Variants in ITGA2 observed in about 807,000 individuals in gnomAD.
ITGA2 encodes the protein integrin subunit alpha 2.
Under a neutral mutation model 146.3 loss-of-function variants are expected in ITGA2, and 101 were observed. The observed-to-expected ratio is 0.69, with a 90% CI of 0.59 to 0.81. ITGA2 has a LOEUF of 0.81. Ranked by LOEUF, ITGA2 falls within the 40% of genes least tolerant of loss-of-function variation. The pLI is 0.00. For synonymous variants in ITGA2, 477 were observed against 487.1 expected, an observed-to-expected ratio of 0.98 and a Z score of 0.27; for missense variants, 1,281 against 1,402.7, an observed-to-expected ratio of 0.91 and a Z score of 1.39.
At chr5:53,081,071 G>A (rs1561152766) in intron 25 of ITGA2, among the ~76,000 whole-genome samples, 1 of 152,054 alleles carries the variant, frequency 6.6e-6, no homozygotes. Context: ...CCTAACCCAG[G>A]CAATTAAATC....
chr5:53,063,691 C>T (rs1432734516), intron 13 of ITGA2, among the ~76,000 whole-genome samples: 1 of 151,638 alleles, frequency 6.6e-6, no homozygotes, highest in African/African-American at 2.4e-5. Context: ...TTTTGTACCA[C>T]CTGATTTATT....
chr5:53,052,959 G>A (rs148565057), intron 7 of ITGA2, among the ~76,000 whole-genome samples: 3 of 152,200 alleles, frequency 2.0e-5, no homozygotes, highest in African/African-American at 7.2e-5. Flanking sequence ...AGCTGATGAT[G>A]AATATTTTTA....
intron 1 of ITGA2, among the ~76,000 whole-genome samples, chr5:53,009,054 A>G (rs1741993475): frequency 1.3e-5 from 2 of 152,118 alleles, no homozygotes; most frequent in East Asian, 1.9e-4. Flanking sequence ...GCAAGACAGG[A>G]AAGAAACAAT....
rs201704370 is a variant in ITGA2, at chr5:53,006,862, T to TA, written c.64+17339dup. Among the ~76,000 whole-genome samples the TA allele has an allele frequency of 2.9e-3, 445 of 151,558 alleles. 2 individuals are homozygous for TA. The highest frequency in any genetic ancestry group is 8.7e-3 in the South Asian group (42 of 4,802). ...ACAACATATTTCAACAACAAAAACA[T>TA]AAAAAAAAATTCATTAATCAACTTC... On this transcript the variant is annotated intron_variant, in intron 1 of 29. Coordinates refer to ENST00000296585, the MANE Select transcript of ITGA2 (RefSeq NM_002203.4).
At chr5:52,999,729 A>T (rs148079334) in intron 1 of ITGA2, among the ~76,000 whole-genome samples, 75 of 152,334 alleles carry the variant, frequency 4.9e-4, no homozygotes, top group African/African-American at 1.6e-3. Flanking sequence ...AAAGATGCTC[A>T]CTGCAAAGAC....
intron 4 of ITGA2, among the ~76,000 whole-genome samples, 172 bp downstream of exon 4, chr5:53,045,264 T>C (rs1004141784): frequency 6.6e-6 from 1 of 152,200 alleles, no homozygotes; most frequent in Non-Finnish European, 1.5e-5. Flanking sequence ...TGTTGATGTG[T>C]AGACTTTTTA....
intron 17 of ITGA2, among the ~76,000 whole-genome samples, chr5:53,070,901 G>C (rs1014445387): frequency 6.6e-6 from 1 of 151,836 alleles, no homozygotes; most frequent in Non-Finnish European, 1.5e-5. Context: ...TTTTTTAAAA[G>C]GATATTTAAG....
At chr5:52,996,150 A>G (rs914901341) in intron 1 of ITGA2, among the ~76,000 whole-genome samples, 1 of 152,204 alleles carries the variant, frequency 6.6e-6, no homozygotes, top group African/African-American at 2.4e-5. Context: ...GAGTAGCAAG[A>G]GAGGTAAAAT....
intron 2 of ITGA2, among the ~76,000 whole-genome samples, chr5:53,028,027 C>G (rs1251964306): frequency 6.6e-6 from 1 of 151,962 alleles, no homozygotes; most frequent in African/African-American, 2.4e-5. Flanking sequence ...GCTGCAGTGA[C>G]CTATGTTGGC....
chr5:53,022,843 A>G (rs1296296539), intron 1 of ITGA2, among the ~76,000 whole-genome samples: 1 of 152,204 alleles, frequency 6.6e-6, no homozygotes, highest in Admixed American at 6.5e-5. Context: ...TAAGAAATCT[A>G]CATGAGTTAA....
In ITGA2 at chr5:53,060,440, T is replaced by C. The variant is rs180870003; in HGVS notation, c.1312+428T>C. Among the ~76,000 whole-genome samples, 11 of 152,068 alleles carry C rather than the reference T, an allele frequency of 7.2e-5. No individual in the cohort carries two copies. The East Asian group carries it at 2.1e-3, about 30-fold the overall frequency. ...TAAACATTTAAATCTTTCCAACAAG[T>C]CTTTCAGGGATGTTTTGCCTTTGAG... is the stretch of plus-strand genomic sequence containing the variant. On this transcript the variant is annotated intron_variant, in intron 11 of 29. Transcript: ENST00000296585.
chr5:53,048,542 T>C (rs112349018), intron 5 of ITGA2, 65 bp downstream of exon 5: 11 of 1,606,776 alleles, frequency 6.8e-6, no homozygotes, highest in Non-Finnish European at 9.4e-6. Context: ...GAAAAGGTTA[T>C]CAACTAGTGG....
chr5:53,012,253 A>T (rs1354531190), intron 1 of ITGA2, among the ~76,000 whole-genome samples: 2 of 152,158 alleles, frequency 1.3e-5, no homozygotes, highest in African/African-American at 2.4e-5. Flanking sequence ...ATTTGGATTT[A>T]TTTGGATAAA....
At chr5:53,072,398 T>C (rs530528377) in intron 18 of ITGA2, among the ~76,000 whole-genome samples, 1 of 149,834 alleles carries the variant, frequency 6.7e-6, no homozygotes, top group East Asian at 2.0e-4. Context: ...GTCCCCGCCA[T>C]AGACACTTTC....
intron 27 of ITGA2, 113 bp from the exon 28 acceptor site, chr5:53,086,839 C>T (rs1216020549): frequency 1.2e-6 from 1 of 859,188 alleles, no homozygotes; most frequent in Non-Finnish European, 1.9e-6. Flanking sequence ...TCTTCAGAAC[C>T]ATTTGCTCTT....
chr5:53,033,975 G>A (rs895799870), intron 2 of ITGA2, among the ~76,000 whole-genome samples: 1 of 151,994 alleles, frequency 6.6e-6, no homozygotes, highest in Admixed American at 6.6e-5. Context: ...GTGTTGGCCA[G>A]GCTGATCTCG....
intron 6 of ITGA2, among the ~76,000 whole-genome samples, chr5:53,048,992 A>G (rs936022570): frequency 2.0e-5 from 3 of 151,132 alleles, no homozygotes; most frequent in Admixed American, 6.6e-5. Flanking sequence ...TGACACAAGC[A>G]TTAAAGGTAT....
intron 1 of ITGA2, among the ~76,000 whole-genome samples, chr5:53,023,473 T>A (rs969599181): frequency 3.3e-5 from 5 of 152,258 alleles, no homozygotes; most frequent in Non-Finnish European, 5.9e-5. Context: ...TACCACTCTT[T>A]ATTTTAACAC....
intron 1 of ITGA2, among the ~76,000 whole-genome samples, chr5:53,003,883 C>T (rs1288862521): frequency 2.0e-5 from 3 of 152,060 alleles, no homozygotes; most frequent in Admixed American, 6.6e-5. Context: ...TCAGCTCAAG[C>T]GATCTGCCCT....
Sources: gnomAD v4.1 joint callset for allele counts (sites outside exome capture counted in the v4.1 genomes callset) on GRCh38, gnomAD v4.1.1 for gene constraint, MANE v1.5 for transcripts, NCBI Gene and HGNC (gene_info 2026-07-23, HGNC 2026-07-21) for gene names.